Variants in HTR1F observed in about 807,000 individuals in gnomAD.
HTR1F encodes the protein 5-hydroxytryptamine (serotonin) receptor 1F, G protein-coupled.
HTR1F carries 17 observed loss-of-function variants against 24.0 expected under a neutral mutation model. The observed-to-expected ratio is 0.71, with a 90% CI of 0.48 to 1.06. The LOEUF (loss-of-function observed/expected upper bound fraction) is 1.06. HTR1F is among the 50% of genes least tolerant of loss of function. The pLI, the probability that HTR1F is intolerant of heterozygous loss-of-function variation, is 0.00. For synonymous variants in HTR1F, 186 were observed against 156.8 expected, an observed-to-expected ratio of 1.19 and a Z score of -1.39; for missense variants, 391 against 427.8, an observed-to-expected ratio of 0.91 and a Z score of 0.76.
At chr3:87,931,822 G>T (rs1201518849) in intron 2 of HTR1F, among the ~76,000 whole-genome samples, 2 of 149,170 alleles carry the variant, frequency 1.3e-5, no homozygotes, top group Admixed American at 6.7e-5. Flanking sequence ...TTCTTCATGT[G>T]TCTTTTGGCT....
chr3:87,851,159 ATATT>A (rs1193376059), intron 2 of HTR1F, among the ~76,000 whole-genome samples: 1 of 151,744 alleles, frequency 6.6e-6, no homozygotes, highest in Non-Finnish European at 1.5e-5. Context: ...AAAACTATAC[ATATT>A]TAAACATTAG....
At chr3:87,988,484 C>A (rs1705727787) in intron 2 of HTR1F, among the ~76,000 whole-genome samples, 1 of 152,034 alleles carries the variant, frequency 6.6e-6, no homozygotes, top group South Asian at 2.1e-4. Context: ...TACTGTTAAC[C>A]CAAGCAGTTA....
Position 87,978,890 on chromosome 3 carries a change from G to GAGGAAGGAAGGA in HTR1F, c.-42-11784_-42-11773dup, listed in dbSNP as rs1184108024. Among the ~76,000 whole-genome samples, 174 of 46,146 alleles carry GAGGAAGGAAGGA rather than the reference G, an allele frequency of 3.8e-3. 1 individual carries two copies. Among genetic ancestry groups the GAGGAAGGAAGGA allele is most frequent in the African/African-American group, 0.013 (163 of 12,208 alleles). 30.3% of individuals were successfully genotyped at this position (46,146 alleles called of 152,430 possible). On this transcript the variant is annotated intron_variant, in intron 2 of 2. Coordinates refer to ENST00000319595, the MANE Select transcript of HTR1F (RefSeq NM_001322209.2). ...GATGGAAGGAAGGGAGGGAGGGAGG[G>GAGGAAGGAAGGA]AGGAAGGAAGGAAGGAAGGAAGGAA...
intron 2 of HTR1F, among the ~76,000 whole-genome samples, chr3:87,853,921 T>C (rs1164024021): frequency 2.0e-5 from 3 of 152,112 alleles, no homozygotes; most frequent in Non-Finnish European, 2.9e-5. Context: ...TTTATTTTTT[T>C]CTTGTAAAAT....
intron 2 of HTR1F, among the ~76,000 whole-genome samples, chr3:87,826,009 A>G (rs150874051): frequency 9.6e-4 from 147 of 152,332 alleles, no homozygotes; most frequent in African/African-American, 3.3e-3. Flanking sequence ...TGTTGTGAAG[A>G]CTAAATAAGA....
chr3:87,911,146 AC>A (rs532032242), intron 2 of HTR1F, among the ~76,000 whole-genome samples: 2 of 152,198 alleles, frequency 1.3e-5, no homozygotes, highest in East Asian at 3.9e-4. Context: ...AGATCAAGAC[AC>A]AAAAAAACAC....
At chr3:87,944,655 C>T (rs1370850877) in intron 2 of HTR1F, among the ~76,000 whole-genome samples, 2 of 152,210 alleles carry the variant, frequency 1.3e-5, no homozygotes, top group African/African-American at 4.8e-5. Context: ...AGAATAGCCC[C>T]ATACTTTAAG....
At chr3:87,834,802 A>C (rs2107162020) in intron 2 of HTR1F, among the ~76,000 whole-genome samples, 1 of 152,344 alleles carries the variant, frequency 6.6e-6, no homozygotes, top group African/African-American at 2.4e-5. Flanking sequence ...AGGAAATTCA[A>C]ATTTCAGTGT....
chr3:87,821,495 C>T (rs897583238), intron 1 of HTR1F, among the ~76,000 whole-genome samples: 66 of 152,154 alleles, frequency 4.3e-4, no homozygotes, highest in African/African-American at 1.4e-3. Context: ...TTAAAATGTT[C>T]GTGATGTTGA....
intron 1 of HTR1F, among the ~76,000 whole-genome samples, chr3:87,802,713 C>T (rs1177830292): frequency 6.6e-6 from 1 of 152,092 alleles, no homozygotes; most frequent in Non-Finnish European, 1.5e-5. Flanking sequence ...AGCTAAGTAA[C>T]ATCAGAAAAA....
chr3:87,916,115 T>A (rs886958807), intron 2 of HTR1F, among the ~76,000 whole-genome samples: 1 of 151,868 alleles, frequency 6.6e-6, no homozygotes, highest in African/African-American at 2.4e-5. Context: ...CTAAGCATCA[T>A]ACATGAAGAA....
intron 2 of HTR1F, among the ~76,000 whole-genome samples, chr3:87,947,683 A>C (rs1024368824): frequency 2.0e-5 from 3 of 152,200 alleles, no homozygotes; most frequent in African/African-American, 7.2e-5. Flanking sequence ...AGATAATAAT[A>C]ACATCCACTG....
rs546192138 is a variant in HTR1F, at chr3:87,981,130, C to A, written c.-42-9578C>A. On this transcript the variant is annotated intron_variant, in intron 2 of 2. Transcript: ENST00000319595. Reference sequence around the variant, plus strand: ...CCACAGCTGGTCTGTTTGCAGCAACCTCTCCAGATGGGCCACCACTACCAT... The same window carrying A: ...CCACAGCTGGTCTGTTTGCAGCAACATCTCCAGATGGGCCACCACTACCAT... Among the ~76,000 whole-genome samples, 60 of 152,314 alleles carry A rather than the reference C, an allele frequency of 3.9e-4. No individual in the cohort carries two copies. The South Asian group carries it at 0.012, about 31-fold the overall frequency.
chr3:87,804,683 C>A (rs572285846), intron 1 of HTR1F, among the ~76,000 whole-genome samples: 171 of 152,112 alleles, frequency 1.1e-3, no homozygotes, highest in Non-Finnish European at 9.0e-4. Flanking sequence ...TCTTCCAAAG[C>A]TTTGTCTGTT....
intron 2 of HTR1F, among the ~76,000 whole-genome samples, chr3:87,835,163 G>A (rs1704657169): frequency 6.6e-6 from 1 of 152,136 alleles, no homozygotes; most frequent in Admixed American, 6.6e-5. Flanking sequence ...GGTTCTTGGT[G>A]TTAGGCAGAA....
chr3:87,883,853 C>A (rs1337065391), intron 2 of HTR1F, among the ~76,000 whole-genome samples: 1 of 151,868 alleles, frequency 6.6e-6, no homozygotes, highest in African/African-American at 2.4e-5. Flanking sequence ...ATGAAAAGAC[C>A]AAATCTATGT....
chr3:87,912,311 T>C (rs1440351898), intron 2 of HTR1F, among the ~76,000 whole-genome samples: 2 of 151,800 alleles, frequency 1.3e-5, no homozygotes, highest in Non-Finnish European at 2.9e-5. Context: ...GAAGGCAGTC[T>C]CATTCACAAT....
intron 2 of HTR1F, among the ~76,000 whole-genome samples, chr3:87,857,099 T>C (rs989120479): frequency 2.6e-5 from 4 of 152,050 alleles, no homozygotes; most frequent in African/African-American, 9.6e-5. Flanking sequence ...AATTATTTTA[T>C]TATTTATTAT....
At chr3:87,847,248 T>A (rs1053515792) in intron 2 of HTR1F, among the ~76,000 whole-genome samples, 1 of 151,848 alleles carries the variant, frequency 6.6e-6, no homozygotes, top group Non-Finnish European at 1.5e-5. Context: ...GGCACTTTAA[T>A]CTTATATTTT....
Sources: allele counts gnomAD v4.1 joint callset (sites outside exome capture counted in the v4.1 genomes callset), GRCh38; gene constraint gnomAD v4.1.1; transcripts MANE v1.5; gene names NCBI Gene and HGNC (gene_info 2026-07-23, HGNC 2026-07-21).